The following KRABD5 variants were observed in gnomAD, a reference collection of about 807,000 sequenced individuals.
The protein encoded by KRABD5 is KRAB domain containing 5.
At chr16:31,716,476 G>A in the KRABD5 span, among the ~76,000 whole-genome samples, 1,004 of 152,278 alleles carry the variant, frequency 6.6e-3, 8 homozygotes, top group African/African-American at 0.023. Flanking sequence ...CTGGGCTCAG[G>A]TGATCCTCCC....
At chr16:31,757,825 G>C in the KRABD5 span, 3 of 99,688 alleles carry the variant, frequency 3.0e-5, no homozygotes, top group East Asian at 6.9e-4. Flanking sequence ...TAGATATAAA[G>C]ATAGGTAGGT....
the KRABD5 span, chr16:31,713,392 G>A: frequency 5.0e-6 from 8 of 1,599,352 alleles, no homozygotes; most frequent in Non-Finnish European, 6.8e-6. Context: ...GGCACCGGGA[G>A]ATCCGTAGCT....
At chr16:31,719,567 C>T in the KRABD5 span, among the ~76,000 whole-genome samples, 14 of 152,142 alleles carry the variant, frequency 9.2e-5, no homozygotes, top group Non-Finnish European at 2.1e-4. Flanking sequence ...GACCCGTGTC[C>T]CTAGCCTTGC....
chr16:31,736,579 G>A, the KRABD5 span, among the ~76,000 whole-genome samples: 55 of 148,330 alleles, frequency 3.7e-4, no homozygotes, highest in Admixed American at 9.5e-4. Flanking sequence ...GTGCAATGGC[G>A]CGATTTTGGC....
chr16:31,742,348 C>T, the KRABD5 span, among the ~76,000 whole-genome samples: 3 of 152,094 alleles, frequency 2.0e-5, no homozygotes. Flanking sequence ...GTGTGTTGTT[C>T]TCCTCTCTGT....
At chr16:31,722,616 T>A in the KRABD5 span, 1 of 1,612,786 alleles carries the variant, frequency 6.2e-7, no homozygotes, top group Non-Finnish European at 8.5e-7. Context: ...GCTATTTATT[T>A]TTATTTCAGG....
the KRABD5 span, chr16:31,753,786 CA>C: frequency 6.6e-7 from 1 of 1,520,064 alleles, no homozygotes; most frequent in Non-Finnish European, 8.8e-7. Context: ...TCATGATACT[CA>C]AGGCCTCTTA....
chr16:31,720,665 A>G, the KRABD5 span, among the ~76,000 whole-genome samples: 4 of 152,314 alleles, frequency 2.6e-5, no homozygotes, highest in South Asian at 4.1e-4. Context: ...ATTGATACCA[A>G]TTCGTCTCAT....
chr16:31,722,578 A>G, the KRABD5 span: 1 of 1,602,126 alleles, frequency 6.2e-7, no homozygotes. Flanking sequence ...CAAGTGATGA[A>G]CTCTGCCCAT....
the KRABD5 span, among the ~76,000 whole-genome samples, chr16:31,746,764 G>A: frequency 4.6e-5 from 7 of 152,092 alleles, no homozygotes; most frequent in East Asian, 1.4e-3. Context: ...TCAATCGTAG[G>A]TTCAGTCTTT....
the KRABD5 span, among the ~76,000 whole-genome samples, chr16:31,750,717 GT>G: frequency 0.056 from 8,179 of 147,226 alleles, 289 homozygotes; most frequent in Non-Finnish European, 0.089. Context: ...TTGTTGAGGG[GT>G]TTTTTTTTTA....
the KRABD5 span, among the ~76,000 whole-genome samples, chr16:31,731,318 C>T: frequency 6.6e-6 from 1 of 152,182 alleles, no homozygotes; most frequent in South Asian, 2.1e-4. Flanking sequence ...GACCTACTAG[C>T]AGGGCATAGA....
the KRABD5 span, among the ~76,000 whole-genome samples, chr16:31,753,028 G>A: frequency 6.6e-6 from 1 of 152,154 alleles, no homozygotes; most frequent in Non-Finnish European, 1.5e-5. Context: ...GATGTCTTGT[G>A]ATTTTGTTGA....
chr16:31,756,392 T>C, the KRABD5 span: 3 of 152,116 alleles, frequency 2.0e-5, no homozygotes, highest in African/African-American at 7.2e-5. Flanking sequence ...AAAACACTGG[T>C]CAGTTATTTA....
At chr16:31,740,199 C>T in the KRABD5 span, among the ~76,000 whole-genome samples, 16 of 152,274 alleles carry the variant, frequency 1.1e-4, no homozygotes, top group African/African-American at 3.6e-4. Context: ...GGTTAGGTCT[C>T]CACGACCGAG....
chr16:31,755,451 C>A, the KRABD5 span: 1 of 471,512 alleles, frequency 2.1e-6, no homozygotes, highest in South Asian at 1.5e-5. Context: ...AGAATTCATA[C>A]TGGAGTAAAA....
chr16:31,748,847 A>G, the KRABD5 span, among the ~76,000 whole-genome samples: 1 of 151,912 alleles, frequency 6.6e-6, no homozygotes, highest in East Asian at 1.9e-4. Flanking sequence ...GTCAGGTCCC[A>G]CTCTGAACTC....
the KRABD5 span, chr16:31,755,812 A>G: frequency 6.3e-5 from 20 of 317,112 alleles, no homozygotes; most frequent in East Asian, 1.1e-3. Context: ...GATTGAATAA[A>G]TGGGAGGAAG....
the KRABD5 span, among the ~76,000 whole-genome samples, chr16:31,751,852 A>G: frequency 1.3e-5 from 2 of 152,144 alleles, no homozygotes; most frequent in African/African-American, 2.4e-5. Flanking sequence ...AAGTGATGTT[A>G]TATCATTAAT....
Sources: allele counts gnomAD v4.1 joint callset (sites outside exome capture counted in the v4.1 genomes callset), GRCh38; gene constraint gnomAD v4.1.1; transcripts MANE v1.5; gene names NCBI Gene and HGNC (gene_info 2026-07-23, HGNC 2026-07-21).